CLCN5: variants seen among roughly 807,000 people sequenced by gnomAD.
CLCN5 encodes the protein Cl-/H+ antiporter 5.
Under a neutral mutation model 54.0 loss-of-function variants are expected in CLCN5, and 17 were observed. The observed-to-expected ratio is 0.31, with a 90% CI of 0.22 to 0.47. CLCN5 has a LOEUF of 0.47. CLCN5 is among the 20% of genes least tolerant of loss of function. CLCN5 has a pLI of 1.00. For synonymous variants in CLCN5, 222 were observed against 233.0 expected (o/e 0.95, Z 0.43); for missense variants, 448 against 646.7 (o/e 0.69, Z 3.33).
chrX:49,956,329 C>A (rs943543569), intron 3 of CLCN5, among the ~76,000 whole-genome samples: 1 of 112,134 alleles, frequency 8.9e-6, no homozygotes, highest in African/African-American at 3.2e-5. Flanking sequence ...CTAGCTCTGA[C>A]ACTTGACTAG....
intron 3 of CLCN5, among the ~76,000 whole-genome samples, chrX:49,987,331 C>T (rs946683136): frequency 9.0e-6 from 1 of 111,719 alleles, no homozygotes; most frequent in East Asian, 2.8e-4. Context: ...AGTCCCCCCA[C>T]CTTTAGGTCA....
At chrX:49,956,928 TTGGTCC>T (rs1927353055) in intron 3 of CLCN5, among the ~76,000 whole-genome samples, 1 of 111,829 alleles carries the variant, frequency 8.9e-6, no homozygotes, top group African/African-American at 3.3e-5. Flanking sequence ...AGGAATTGAC[TTGGTCC>T]TGTATAGGCA....
intron 4 of CLCN5, among the ~76,000 whole-genome samples, chrX:50,060,858 C>T (rs1201696866): frequency 5.4e-5 from 5 of 92,768 alleles, no homozygotes; most frequent in Non-Finnish European, 6.1e-5. Context: ...CCCTGACCCC[C>T]GAGCAGCCTA....
intron 3 of CLCN5, among the ~76,000 whole-genome samples, chrX:49,955,345 A>G (rs782478952): frequency 3.6e-5 from 4 of 110,314 alleles, no homozygotes; most frequent in South Asian, 3.9e-4. Context: ...GGGAATACAC[A>G]TATCTGTAGA....
intron 4 of CLCN5, among the ~76,000 whole-genome samples, chrX:50,064,576 C>T (rs1370481346): frequency 1.0e-5 from 1 of 97,981 alleles, no homozygotes; most frequent in Non-Finnish European, 2.0e-5. Context: ...GTGAAAATGG[C>T]CATACTGCCC....
intron 3 of CLCN5, among the ~76,000 whole-genome samples, chrX:49,969,382 A>T (rs1418168622): frequency 8.9e-6 from 1 of 112,265 alleles, no homozygotes; most frequent in Non-Finnish European, 1.9e-5. Context: ...TTGGCCTGAG[A>T]CCTTTCTTCT....
intron 3 of CLCN5, among the ~76,000 whole-genome samples, chrX:49,929,470 C>T (rs965390537): frequency 2.2e-4 from 25 of 111,543 alleles, no homozygotes; most frequent in African/African-American, 7.8e-4. Context: ...GCCCTAGAGA[C>T]GCAATGGTCA....
intron 3 of CLCN5, among the ~76,000 whole-genome samples, chrX:49,958,893 G>C (rs57172105): frequency 0.074 from 8,248 of 111,544 alleles, 757 homozygotes; most frequent in African/African-American, 0.26. Context: ...CGCTCGCTCT[G>C]TCTCTGTCAC....
At chrX:50,026,440 G>A (rs1428342963) in intron 3 of CLCN5, among the ~76,000 whole-genome samples, 1 of 111,642 alleles carries the variant, frequency 9.0e-6, no homozygotes, top group Non-Finnish European at 1.9e-5. Flanking sequence ...TCTGTCTGCT[G>A]TATCTGTCAA....
At chrX:50,063,595 T>A (rs1467255232) in intron 4 of CLCN5, among the ~76,000 whole-genome samples, 1 of 107,565 alleles carries the variant, frequency 9.3e-6, no homozygotes, top group African/African-American at 3.5e-5. Flanking sequence ...GAGGAACTGG[T>A]ACCATTCCTT....
intron 3 of CLCN5, among the ~76,000 whole-genome samples, chrX:50,019,041 G>T (rs1657528138): frequency 8.9e-6 from 1 of 111,828 alleles, no homozygotes; most frequent in Admixed American, 9.5e-5. Context: ...ATGTTTGGTA[G>T]AATACACTAG....
intron 8 of CLCN5, 86 bp from the exon 9 acceptor site, chrX:50,081,555 G>C: frequency 7.0e-6 from 5 of 717,524 alleles, no homozygotes; most frequent in South Asian, 2.2e-5. Context: ...AAAAGGTGCA[G>C]TTTCTATAAT....
rs1237637042 is a variant in CLCN5 at position 50,095,186 on chromosome X, T to C, written c.*2967T>C. The C allele has an allele frequency of 8.9e-6, 1 of 112,457 alleles. No homozygotes were observed. The highest frequency in any genetic ancestry group is 1.9e-5 in the Non-Finnish European group (1 of 53,266). The allele number at this position is 112,457 out of a possible 1,213,427, so 9.3% of individuals were successfully genotyped here. A position where few individuals can be genotyped will look rare whatever the true frequency, so the allele number is the denominator to read the frequency against. ...GGATTTTCCAAGTAAGAGTAGCTGG[T>C]AGCCATCCAGCCATAAAAGGAACGA... On this transcript the variant is annotated 3_prime_UTR_variant, in exon 15 of 15. Coordinates refer to ENST00000376091, the MANE Select transcript of CLCN5 (RefSeq NM_001127898.4).
intron 3 of CLCN5, among the ~76,000 whole-genome samples, chrX:50,041,451 A>C (rs975405605): frequency 2.7e-5 from 3 of 111,318 alleles, no homozygotes; most frequent in Non-Finnish European, 5.7e-5. Context: ...TTCATCTTTA[A>C]TATTAAATTC....
chrX:50,016,740 TC>T (rs1467781015), intron 3 of CLCN5, among the ~76,000 whole-genome samples: 1 of 89,944 alleles, frequency 1.1e-5, no homozygotes, highest in Non-Finnish European at 2.2e-5. Context: ...TTATCCCCCC[TC>T]CCCCACCCTA....
chrX:50,090,186 C>A lies in CLCN5; in HGVS notation c.1815C>A (p.Ile605=), dbSNP rs150674219. Residue 605 remains isoleucine, a synonymous_variant, in exon 13 of 15, where the codon ATC becomes ATA. Transcript: ENST00000376091. ...AACTGACTGGTGGCTTAGAATACAT[C>A]GTGCCTCTGATGGCTGCAGCCATGA... ...MFELTGGLEY[I]VPLMAAAMTS... is the part of the protein sequence containing the mutation. 1 of 1,210,956 alleles carries A rather than the reference C, an allele frequency of 8.3e-7. No homozygotes were observed. Among genetic ancestry groups the A allele is most frequent in the African/African-American group, 1.7e-5 (1 of 57,792 alleles).
In CLCN5 at chrX:50,097,946, A is replaced by G. The variant is rs1164240589; in HGVS notation, c.*5727A>G. The G allele has an allele frequency of 1.8e-5, 2 of 112,456 alleles. No individual in the cohort carries two copies. Among genetic ancestry groups the G allele is most frequent in the African/African-American group, 6.5e-5 (2 of 30,853 alleles). 9.3% of individuals were successfully genotyped at this position (112,456 alleles called of 1,213,427 possible). ...GGTGAGTGAAATGCCATCTGGCAAA[A>G]TCGAGAAGAGAGTGTGGCCTGAGAG... On this transcript the variant is annotated 3_prime_UTR_variant, in exon 15 of 15. Coordinates refer to ENST00000376091, the MANE Select transcript of CLCN5 (RefSeq NM_001127898.4).
At chrX:50,042,158 T>G (rs1932243268) in intron 3 of CLCN5, among the ~76,000 whole-genome samples, 158 bp from the exon 4 acceptor site, 1 of 112,294 alleles carries the variant, frequency 8.9e-6, no homozygotes, top group Non-Finnish European at 1.9e-5. Flanking sequence ...TTTGGGATGA[T>G]GAAATAGTTC....
intron 3 of CLCN5, among the ~76,000 whole-genome samples, chrX:49,977,463 A>T (rs1340034475): frequency 9.0e-6 from 1 of 111,510 alleles, no homozygotes; most frequent in Admixed American, 9.5e-5. Context: ...AATGTGGCCA[A>T]AGTCTGACAT....
Sources: gnomAD v4.1 joint callset for allele counts (sites outside exome capture counted in the v4.1 genomes callset) on GRCh38, gnomAD v4.1.1 for gene constraint, MANE v1.5 for transcripts, NCBI Gene and HGNC (gene_info 2026-07-23, HGNC 2026-07-21) for gene names.